Variants in GRM1 observed in about 807,000 individuals in gnomAD.
GRM1 encodes the protein glutamate metabotropic receptor 1.
In GRM1, 33 loss-of-function variants were observed where a neutral mutation model predicts 90.9. The observed-to-expected ratio is 0.36, with a 90% CI of 0.28 to 0.49. The LOEUF (loss-of-function observed/expected upper bound fraction) is 0.49, where lower values mean the gene tolerates loss of function less well. Ranked by LOEUF, GRM1 falls within the 20% of genes least tolerant of loss-of-function variation. GRM1 has a pLI of 0.99. For missense variants in GRM1, 1,190 were observed against 1,534.3 expected (o/e 0.78, Z 3.75); for synonymous variants, 700 against 613.2 (o/e 1.14, Z -2.09).
At chr6:146,307,870 C>A (rs1413638475) in intron 3 of GRM1, among the ~76,000 whole-genome samples, 1 of 152,150 alleles carries the variant, frequency 6.6e-6, no homozygotes, top group East Asian at 1.9e-4. Context: ...GTCCCAAACC[C>A]AGGCTGAGTA....
At chr6:146,199,375 TC>T (rs767237768) in intron 2 of GRM1, among the ~76,000 whole-genome samples, 2 of 152,134 alleles carry the variant, frequency 1.3e-5, no homozygotes, top group Non-Finnish European at 2.9e-5. Context: ...ATATCCCCTG[TC>T]CCCCAGTGTT....
At chr6:146,173,129 C>G (rs1778199882) in intron 2 of GRM1, among the ~76,000 whole-genome samples, 1 of 152,050 alleles carries the variant, frequency 6.6e-6, no homozygotes, top group African/African-American at 2.4e-5. Flanking sequence ...GCAACTCACG[C>G]CTGTAATTCC....
intron 1 of GRM1, among the ~76,000 whole-genome samples, chr6:146,151,763 T>C (rs146997493): frequency 1.5e-3 from 224 of 152,302 alleles, no homozygotes; most frequent in African/African-American, 5.2e-3. Flanking sequence ...CCATTTTCAG[T>C]GCCTATCTTA....
intron 3 of GRM1, among the ~76,000 whole-genome samples, chr6:146,343,941 T>C (rs1299727930): frequency 6.6e-6 from 1 of 152,188 alleles, no homozygotes; most frequent in Non-Finnish European, 1.5e-5. Context: ...GGGCATTGGG[T>C]GTGCTTACTG....
intron 6 of GRM1, 82 bp downstream of exon 6, chr6:146,387,098 C>T (rs1776537347): frequency 1.6e-6 from 2 of 1,246,078 alleles, no homozygotes; most frequent in Non-Finnish European, 2.4e-6. Context: ...GAATGATTAG[C>T]TCATGTCTTC....
At chr6:146,352,620 C>T in intron 4 of GRM1, 124 bp downstream of exon 4, 1 of 914,800 alleles carries the variant, frequency 1.1e-6, no homozygotes, top group Non-Finnish European at 1.8e-6. Flanking sequence ...AACTAGGTAG[C>T]AAAAAGTCCA....
At chr6:146,276,670 T>A (rs771181876) in intron 2 of GRM1, among the ~76,000 whole-genome samples, 98 of 152,320 alleles carry the variant, frequency 6.4e-4, no homozygotes, top group South Asian at 1.4e-3. Context: ...ACTTTGATTT[T>A]TTTTTCTTCC....
chr6:146,237,855 T>C (rs1780708510), intron 2 of GRM1, among the ~76,000 whole-genome samples: 1 of 152,186 alleles, frequency 6.6e-6, no homozygotes, highest in African/African-American at 2.4e-5. Flanking sequence ...TACAAGGGCG[T>C]AAGTACAGAC....
intron 5 of GRM1, chr6:146,365,533 G>A (rs984557739): frequency 6.6e-6 from 1 of 152,208 alleles, no homozygotes; most frequent in Admixed American, 6.5e-5. Context: ...CATGTCTTTG[G>A]TGGCAGTGAT....
intron 2 of GRM1, among the ~76,000 whole-genome samples, chr6:146,161,478 CAT>C (rs1777724694): frequency 6.6e-6 from 1 of 152,076 alleles, no homozygotes; most frequent in Non-Finnish European, 1.5e-5. Flanking sequence ...GAGAGTCGCA[CAT>C]GTGTTTGTTT....
intron 1 of GRM1, among the ~76,000 whole-genome samples, chr6:146,152,296 A>C (rs565946742): frequency 6.6e-6 from 1 of 150,966 alleles, no homozygotes; most frequent in South Asian, 2.1e-4. Context: ...CCTGAATGCC[A>C]ATGCCTTGCT....
chr6:146,031,405 T>C (rs1295748185), intron 1 of GRM1, among the ~76,000 whole-genome samples: 1 of 152,196 alleles, frequency 6.6e-6, no homozygotes, highest in Non-Finnish European at 1.5e-5. Flanking sequence ...ATTTCCATAA[T>C]ATTCAGTTAC....
chr6:146,314,138 C>G (rs1174296855), intron 3 of GRM1, among the ~76,000 whole-genome samples: 1 of 123,688 alleles, frequency 8.1e-6, no homozygotes, highest in Non-Finnish European at 1.6e-5. Flanking sequence ...TGGATCTTGG[C>G]TCATTGCGAC....
intron 2 of GRM1, among the ~76,000 whole-genome samples, chr6:146,185,640 G>C (rs918165484): frequency 2.0e-5 from 3 of 152,196 alleles, no homozygotes; most frequent in Non-Finnish European, 4.4e-5. Context: ...TTTCAGTCCA[G>C]ATTGGTGATT....
chr6:146,260,819 T>G (rs1263767923), intron 2 of GRM1, among the ~76,000 whole-genome samples: 1 of 139,110 alleles, frequency 7.2e-6, no homozygotes, highest in Non-Finnish European at 1.5e-5. Context: ...TTTTTTTTTT[T>G]TTTTTTTTTT....
At chr6:146,190,157 G>A (rs1778888381) in intron 2 of GRM1, among the ~76,000 whole-genome samples, 2 of 152,144 alleles carry the variant, frequency 1.3e-5, no homozygotes, top group Admixed American at 1.3e-4. Flanking sequence ...GAGAGGAAGT[G>A]GGGAAAATTT....
chr6:146,407,917 ATGTGG>A (rs1777407148), intron 7 of GRM1, among the ~76,000 whole-genome samples: 1 of 152,186 alleles, frequency 6.6e-6, no homozygotes, highest in Non-Finnish European at 1.5e-5. Flanking sequence ...AAACAGTATA[ATGTGG>A]TGACTCATGT....
intron 2 of GRM1, among the ~76,000 whole-genome samples, chr6:146,284,882 T>G (rs1423461219): frequency 6.6e-6 from 1 of 152,188 alleles, no homozygotes; most frequent in African/African-American, 2.4e-5. Flanking sequence ...CAGAATATAT[T>G]GGAAATTTTA....
At chr6:146,226,159 CA>C (rs1487699361) in intron 2 of GRM1, among the ~76,000 whole-genome samples, 1 of 152,110 alleles carries the variant, frequency 6.6e-6, no homozygotes, top group African/African-American at 2.4e-5. Flanking sequence ...TTTGGACGAA[CA>C]GGGCAAAAGG....
Sources: gnomAD v4.1 joint callset for allele counts (sites outside exome capture counted in the v4.1 genomes callset) on GRCh38, gnomAD v4.1.1 for gene constraint, MANE v1.5 for transcripts, NCBI Gene and HGNC (gene_info 2026-07-23, HGNC 2026-07-21) for gene names.